Variants in ENTREP2 observed in about 807,000 individuals in gnomAD.
ENTREP2 encodes endosomal transmembrane epsin interactor 2, also known as protein ENTREP2.
the ENTREP2 span, among the ~76,000 whole-genome samples, chr15:29,485,945 G>T: frequency 6.6e-6 from 1 of 152,162 alleles, no homozygotes; most frequent in Non-Finnish European, 1.5e-5. Context: ...AAGGAAAATC[G>T]TATGGAGATT....
At chr15:29,601,626 G>T in the ENTREP2 span, among the ~76,000 whole-genome samples, 1 of 152,084 alleles carries the variant, frequency 6.6e-6, no homozygotes, top group Non-Finnish European at 1.5e-5. Flanking sequence ...CACATGGTCA[G>T]CTATTTCTTC....
At chr15:29,659,151 T>G in the ENTREP2 span, among the ~76,000 whole-genome samples, 1 of 152,246 alleles carries the variant, frequency 6.6e-6, no homozygotes, top group African/African-American at 2.4e-5. Flanking sequence ...TTTCAGTCAG[T>G]AGGTGGTCCT....
At chr15:29,382,918 C>T in the ENTREP2 span, among the ~76,000 whole-genome samples, 4 of 152,194 alleles carry the variant, frequency 2.6e-5, no homozygotes, top group African/African-American at 7.2e-5. Context: ...TCACCAAGTG[C>T]GACAGACAAA....
chr15:29,565,745 C>T, the ENTREP2 span, among the ~76,000 whole-genome samples: 65 of 152,182 alleles, frequency 4.3e-4, 1 homozygote, highest in South Asian at 0.013. Context: ...AGGCGGATCA[C>T]GAGGTCAGGA....
At chr15:29,442,158 C>T in the ENTREP2 span, among the ~76,000 whole-genome samples, 5 of 152,200 alleles carry the variant, frequency 3.3e-5, no homozygotes, top group Non-Finnish European at 7.3e-5. Context: ...CCTCCCAGCA[C>T]GGACCCCTTG....
At chr15:29,360,890 A>G in the ENTREP2 span, among the ~76,000 whole-genome samples, 1 of 152,214 alleles carries the variant, frequency 6.6e-6, no homozygotes, top group Admixed American at 6.5e-5. Flanking sequence ...TGGGGCAGTC[A>G]CCCATCTCCT....
the ENTREP2 span, among the ~76,000 whole-genome samples, chr15:29,418,590 C>G: frequency 6.6e-6 from 1 of 152,174 alleles, no homozygotes; most frequent in African/African-American, 2.4e-5. Flanking sequence ...TTGCACAGGT[C>G]TTTCGCTTCC....
the ENTREP2 span, among the ~76,000 whole-genome samples, chr15:29,655,990 C>T: frequency 6.8e-6 from 1 of 147,246 alleles, no homozygotes; most frequent in Non-Finnish European, 1.5e-5. Flanking sequence ...CGCCACCGCA[C>T]TCCAGCCCGG....
At chr15:29,385,548 G>C in the ENTREP2 span, among the ~76,000 whole-genome samples, 1 of 152,196 alleles carries the variant, frequency 6.6e-6, no homozygotes, top group East Asian at 1.9e-4. Flanking sequence ...TGGCCTTACA[G>C]AATGCTCTCC....
the ENTREP2 span, among the ~76,000 whole-genome samples, chr15:29,290,426 C>A: frequency 2.0e-5 from 3 of 152,262 alleles, no homozygotes; most frequent in Admixed American, 1.3e-4. Context: ...TCAGGTATCA[C>A]CCCATGTCCA....
At chr15:29,478,023 T>TTTATATATATATATATA in the ENTREP2 span, among the ~76,000 whole-genome samples, 4 of 114,148 alleles carry the variant, frequency 3.5e-5, no homozygotes, top group African/African-American at 1.6e-4. Flanking sequence ...ATATATATTT[T>TTTATATATATATATATA]TTTTTTTTTT....
chr15:29,640,681 C>A, the ENTREP2 span, among the ~76,000 whole-genome samples: 28 of 124,286 alleles, frequency 2.3e-4, no homozygotes, highest in East Asian at 1.2e-3. Context: ...AACAAAAAAA[C>A]CAAAAAGAAA....
At chr15:29,293,498 C>T in the ENTREP2 span, among the ~76,000 whole-genome samples, 5,437 of 152,012 alleles carry the variant, frequency 0.036, 133 homozygotes, top group Non-Finnish European at 0.05. Flanking sequence ...CCTTGTGATC[C>T]GCCCGCCTTG....
At chr15:29,224,315 G>A in the ENTREP2 span, among the ~76,000 whole-genome samples, 5 of 152,110 alleles carry the variant, frequency 3.3e-5, no homozygotes, top group Admixed American at 6.5e-5. Flanking sequence ...AAGGCAGTTT[G>A]GACCCAAAGA....
chr15:29,609,422 T>C, the ENTREP2 span, among the ~76,000 whole-genome samples: 1 of 150,056 alleles, frequency 6.7e-6, no homozygotes, highest in African/African-American at 2.4e-5. Context: ...GTGGGACCTC[T>C]AAGAGGTGAT....
chr15:29,645,234 C>CAT, the ENTREP2 span, among the ~76,000 whole-genome samples: 23 of 152,162 alleles, frequency 1.5e-4, no homozygotes, highest in African/African-American at 4.8e-4. Context: ...GATGATGAGA[C>CAT]GTGAGAATTC....
At chr15:29,576,463 TAAAC>T in the ENTREP2 span, among the ~76,000 whole-genome samples, 1 of 152,104 alleles carries the variant, frequency 6.6e-6, no homozygotes, top group African/African-American at 2.4e-5. Context: ...AAAGAAAAAA[TAAAC>T]AAATTATACT....
At chr15:29,131,196 C>T in the ENTREP2 span, among the ~76,000 whole-genome samples, 1 of 152,034 alleles carries the variant, frequency 6.6e-6, no homozygotes, top group Admixed American at 6.5e-5. Context: ...GGGGCAATTC[C>T]AGCGATTATG....
the ENTREP2 span, chr15:29,196,399 T>C: frequency 6.5e-7 from 1 of 1,546,914 alleles, no homozygotes. Context: ...TGGAATGAAA[T>C]GCATGCACAA....
Sources: allele counts gnomAD v4.1 joint callset (sites outside exome capture counted in the v4.1 genomes callset), GRCh38; gene constraint gnomAD v4.1.1; transcripts MANE v1.5; gene names NCBI Gene and HGNC (gene_info 2026-07-23, HGNC 2026-07-21).